The following CNTN6 variants were observed in gnomAD, a reference collection of about 807,000 sequenced individuals.
The protein encoded by CNTN6 is contactin-6.
CNTN6 carries 137 observed loss-of-function variants against 122.8 expected under a neutral mutation model. The observed-to-expected ratio is 1.12, with a 90% CI of 0.97 to 1.29. The LOEUF (loss-of-function observed/expected upper bound fraction) is 1.29, where lower values mean the gene tolerates loss of function less well. CNTN6 is among the 50% of genes most tolerant of loss of function. The pLI is 0.00. For synonymous variants in CNTN6, 570 were observed against 426.0 expected (o/e 1.34, Z -4.16); for missense variants, 1,634 against 1,223.4 (o/e 1.34, Z -5.01).
chr3:1,259,889 G>A (rs553327637), intron 4 of CNTN6, among the ~76,000 whole-genome samples: 39 of 152,108 alleles, frequency 2.6e-4, no homozygotes, highest in Admixed American at 7.9e-4. Context: ...ACACACAATA[G>A]TATATATTAG....
intron 2 of CNTN6, among the ~76,000 whole-genome samples, chr3:1,168,118 G>C (rs938270107): frequency 6.6e-6 from 1 of 151,864 alleles, no homozygotes; most frequent in Non-Finnish European, 1.5e-5. Flanking sequence ...ATGTTGGCCA[G>C]GTTGGTCTCG....
chr3:1,354,936 C>A (rs894852791), intron 12 of CNTN6, among the ~76,000 whole-genome samples: 1 of 151,480 alleles, frequency 6.6e-6, no homozygotes, highest in African/African-American at 2.4e-5. Flanking sequence ...CAAGCCTGAA[C>A]CTACATCGAA....
At position 1,247,699 on chromosome 3, in the gene CNTN6, A is replaced by C. The variant is rs79666262; in HGVS notation, c.358+19706A>C. Among the ~76,000 whole-genome samples, 1,119 of 152,350 alleles carry C rather than the reference A, an allele frequency of 7.3e-3. 8 individuals are homozygous for C. The highest frequency in any genetic ancestry group is 0.013 in the Non-Finnish European group (867 of 68,034). On this transcript the variant is annotated intron_variant, in intron 4 of 22. Transcript: ENST00000446702. ...AAGCCCGAGGGAAGCTTCTCCTGTG[A>C]ACCTGCATCAAGAGCAGTGGGTGAT...
intron 11 of CNTN6, among the ~76,000 whole-genome samples, chr3:1,351,827 C>T (rs1187444444): frequency 6.6e-6 from 1 of 151,910 alleles, no homozygotes; most frequent in Non-Finnish European, 1.5e-5. Context: ...TTCTTCAACT[C>T]ATCAGCACTG....
chr3:1,281,104 A>G (rs781391578), intron 5 of CNTN6, among the ~76,000 whole-genome samples: 1 of 152,194 alleles, frequency 6.6e-6, no homozygotes, highest in Non-Finnish European at 1.5e-5. Flanking sequence ...ATCTTATCTA[A>G]TCATGGATAT....
At chr3:1,124,600 C>G (rs548290981) in intron 1 of CNTN6, among the ~76,000 whole-genome samples, 58 of 151,954 alleles carry the variant, frequency 3.8e-4, no homozygotes, top group African/African-American at 1.3e-3. Flanking sequence ...GTACACTGGT[C>G]TAGTGATAGG....
intron 4 of CNTN6, among the ~76,000 whole-genome samples, chr3:1,277,341 G>GTTTTCTTTTTT (rs1692559057): frequency 1.5e-5 from 1 of 66,108 alleles, no homozygotes; most frequent in Non-Finnish European, 2.8e-5. Flanking sequence ...CTTTTAGTAG[G>GTTTTCTTTTTT]TTTTCTTTTT....
chr3:1,350,129 GT>G (rs1705397789), intron 11 of CNTN6, among the ~76,000 whole-genome samples: 1 of 151,828 alleles, frequency 6.6e-6, no homozygotes, highest in Admixed American at 6.6e-5. Context: ...AAGTTTAATA[GT>G]AAATAGATCA....
At chr3:1,237,142 A>AT (rs1484664169) in intron 4 of CNTN6, among the ~76,000 whole-genome samples, 1 of 152,078 alleles carries the variant, frequency 6.6e-6, no homozygotes, top group Non-Finnish European at 1.5e-5. Flanking sequence ...AATTAAAAAC[A>AT]TTATACAGAA....
chr3:1,182,653 C>T lies in CNTN6; in HGVS notation c.55+34590C>T, dbSNP rs141458329. On this transcript the variant is annotated intron_variant, in intron 2 of 22. Coordinates refer to ENST00000446702, the MANE Select transcript of CNTN6 (RefSeq NM_001289080.2). ...AGAAATGTAACTCATATACAAAGTA[C>T]GCCTATAGTTATACCATGTATCACA... Among the ~76,000 whole-genome samples, 21 of 151,122 alleles carry T rather than the reference C, an allele frequency of 1.4e-4. No homozygotes were observed. In the East Asian group the frequency reaches 1.6e-3, roughly 11 times the overall value.
At chr3:1,352,277 CA>C (rs770153739) in intron 11 of CNTN6, 46 bp from the exon 12 acceptor site, 1 of 1,407,668 alleles carries the variant, frequency 7.1e-7, no homozygotes, top group Non-Finnish European at 9.4e-7. Flanking sequence ...TATGATTTAC[CA>C]GTGTTGAAGA....
At chr3:1,336,268 A>T (rs1703051199) in intron 11 of CNTN6, among the ~76,000 whole-genome samples, 1 of 151,848 alleles carries the variant, frequency 6.6e-6, no homozygotes, top group African/African-American at 2.4e-5. Context: ...TAGATGGTGT[A>T]CCAGGCACTT....
intron 2 of CNTN6, among the ~76,000 whole-genome samples, chr3:1,151,344 A>G (rs1639072565): frequency 6.6e-6 from 1 of 152,194 alleles, no homozygotes; most frequent in African/African-American, 2.4e-5. Flanking sequence ...ATTTAGTCAT[A>G]TAATATCCTC....
At chr3:1,310,887 G>A (rs544772953) in intron 7 of CNTN6, among the ~76,000 whole-genome samples, 1 of 152,022 alleles carries the variant, frequency 6.6e-6, no homozygotes, top group Non-Finnish European at 1.5e-5. Context: ...TGTAATCCCA[G>A]CTACTCAGGT....
intron 1 of CNTN6, among the ~76,000 whole-genome samples, chr3:1,094,321 A>G (rs1460408261): frequency 1.3e-5 from 2 of 152,234 alleles, no homozygotes; most frequent in Non-Finnish European, 2.9e-5. Flanking sequence ...AAACAAACAT[A>G]AACATACAAA....
At chr3:1,292,738 C>A (rs977889967) in intron 5 of CNTN6, among the ~76,000 whole-genome samples, 3 of 152,116 alleles carry the variant, frequency 2.0e-5, no homozygotes, top group African/African-American at 7.2e-5. Context: ...CCTGTTGATT[C>A]TTTCTTCCAT....
chr3:1,164,530 G>A (rs935263728), intron 2 of CNTN6, among the ~76,000 whole-genome samples: 3 of 152,222 alleles, frequency 2.0e-5, no homozygotes, highest in Admixed American at 6.5e-5. Context: ...ATACATGACA[G>A]GGGAATGATA....
chr3:1,291,355 C>T lies in CNTN6; in HGVS notation c.455-4246C>T, dbSNP rs147922262. Among the ~76,000 whole-genome samples the T allele has an allele frequency of 3.1e-3, 474 of 152,242 alleles. 5 individuals are homozygous for T. Among genetic ancestry groups the T allele is most frequent in the African/African-American group, 0.011 (456 of 41,546 alleles). ...GGAATAGATTGGCAAGTTCTAGCAG[C>T]TAAGGTAAAAATGAATTCACCAGGG... On this transcript the variant is annotated intron_variant, in intron 5 of 22. Transcript: ENST00000446702.
intron 4 of CNTN6, among the ~76,000 whole-genome samples, chr3:1,274,133 A>G (rs1324601835): frequency 6.6e-6 from 1 of 151,874 alleles, no homozygotes; most frequent in Non-Finnish European, 1.5e-5. Context: ...GATTATTACT[A>G]GAAACAGAAA....
Sources: allele counts gnomAD v4.1 joint callset (sites outside exome capture counted in the v4.1 genomes callset), GRCh38; gene constraint gnomAD v4.1.1; transcripts MANE v1.5; gene names NCBI Gene and HGNC (gene_info 2026-07-23, HGNC 2026-07-21).